The following PKD1L1 variants were observed in gnomAD, a reference collection of about 807,000 sequenced individuals.
The protein encoded by PKD1L1 is polycystin-1-like protein 1.
Under a neutral mutation model 323.4 loss-of-function variants are expected in PKD1L1, and 236 were observed. The observed-to-expected ratio is 0.73, with a 90% CI of 0.66 to 0.81. The LOEUF (loss-of-function observed/expected upper bound fraction) is 0.81, where lower values mean the gene tolerates loss of function less well. Among genes scored for constraint, PKD1L1 ranks in the 40% least tolerant of loss-of-function variants. The pLI is 0.00. For missense variants in PKD1L1, 3,320 were observed against 3,508.0 expected (o/e 0.95, Z 1.35); for synonymous variants, 1,344 against 1,335.0 (o/e 1.01, Z -0.15).
rs911818050 is a variant in PKD1L1, at chr7:47,840,409, A to G, written c.5552+52T>C. ...TTGTATTTGTGATAAGGTTACACCA[A>G]TTCTGATTGGCCTCTCTTTCCCAAA... On this transcript the variant is annotated intron_variant, in intron 35 of 56. Coordinates refer to ENST00000289672, the MANE Select transcript of PKD1L1 (RefSeq NM_138295.5). This position sits in a 1 kb window ranked among gnomAD's most constrained non-coding sequence, Gnocchi z 4.1. The G allele has an allele frequency of 2.2e-6, 3 of 1,356,892 alleles. No individual in the cohort carries two copies. Among genetic ancestry groups the G allele is most frequent in the African/African-American group, 2.9e-5 (2 of 69,728 alleles). 84.1% of individuals were successfully genotyped at this position (1,356,892 alleles called of 1,614,324 possible).
At position 47,813,256 on chromosome 7, in the gene PKD1L1, A is replaced by G; in HGVS notation, c.7211T>C (p.Ile2404Thr). ...RPFSALIEDS[I>T]PTCSPEVGGP... ...TCCAACTTCGGGACTACATGTAGGA[A>G]TAGAGTCTTCGATGAGTGCTGAAAA... Residue 2404 changes from isoleucine to threonine, a missense_variant, in exon 49 of 57, where the codon ATT becomes ACT. Transcript: ENST00000289672. The G allele has an allele frequency of 1.1e-5, 18 of 1,614,198 alleles. No individual in the cohort carries two copies. Among genetic ancestry groups the G allele is most frequent in the Non-Finnish European group, 1.5e-5 (18 of 1,180,030 alleles).
At chr7:47,792,943 A>G in intron 55 of PKD1L1, 146 bp from the exon 56 acceptor site, 1 of 716,788 alleles carries the variant, frequency 1.4e-6, no homozygotes, top group Non-Finnish European at 2.2e-6. Flanking sequence ...CAGTTAGAAG[A>G]CCTGGGTGCT....
At chr7:47,951,560 G>A (rs1788205681), upstream of PKD1L1, among the ~76,000 whole-genome samples, 1 of 152,176 alleles carries the variant, frequency 6.6e-6, no homozygotes, top group Admixed American at 6.5e-5. Flanking sequence ...AGTAGTCAAA[G>A]TAGAAAAGCA....
chr7:47,924,325 C>T (rs1787615858), intron 7 of PKD1L1, among the ~76,000 whole-genome samples: 1 of 152,154 alleles, frequency 6.6e-6, no homozygotes, highest in Non-Finnish European at 1.5e-5. Context: ...CTTTGTGCAG[C>T]TGAGTTAGTT....
In PKD1L1 at chr7:47,939,203, A is replaced by T. The variant is rs372478128; in HGVS notation, c.285+990T>A. On this transcript the variant is annotated intron_variant, in intron 3 of 56. Coordinates refer to ENST00000289672, the MANE Select transcript of PKD1L1 (RefSeq NM_138295.5). The stretch of plus-strand genomic sequence containing the variant: ...TCGCTGACAAAAGTGATGGCAGAGC[A>T]GAGAAAAGCTCCCAAACACAAACAC... Among the ~76,000 whole-genome samples the T allele has an allele frequency of 1.3e-3, 200 of 152,338 alleles. 1 individual carries two copies. Among genetic ancestry groups the T allele is most frequent in the African/African-American group, 4.7e-3 (196 of 41,582 alleles).
Position 47,843,072 on chromosome 7 carries a change from T to C in PKD1L1, c.5335A>G (p.Lys1779Glu), listed in dbSNP as rs1358523369. Residue 1779 changes from lysine (K) to glutamate (E), a missense_variant, in exon 34 of 57, where the codon AAA becomes GAA. Physicochemically the swap from Lys to Glu is moderately conservative, Grantham distance 56. Transcript: ENST00000289672. ...AKSRQVDHHE[K>E]KKAGYIFLQE... ...AGAAAGATGTAACCAGCTTTCTTTTTTTCATGATGATCTACTTGTCTACTT... is the reference window on the plus strand; with the variant it reads ...AGAAAGATGTAACCAGCTTTCTTTTCTTCATGATGATCTACTTGTCTACTT... 2.5e-6 allele frequency: 4 copies of C among 1,614,030 alleles called. No individual in the cohort carries two copies. The highest frequency in any genetic ancestry group is 1.3e-5 in the African/African-American group (1 of 75,048).
At chr7:47,844,775 C>T (rs891985823) in intron 33 of PKD1L1, among the ~76,000 whole-genome samples, 16 of 152,192 alleles carry the variant, frequency 1.1e-4, no homozygotes, top group African/African-American at 3.6e-4. Context: ...GTTTACAAAT[C>T]TCTCATCAGT....
chr7:47,952,521 CCT>C (rs759697853), upstream of PKD1L1, among the ~76,000 whole-genome samples: 15 of 152,304 alleles, frequency 9.8e-5, no homozygotes, highest in Middle Eastern at 3.4e-3. Flanking sequence ...ATAAGCACCC[CCT>C]GAGAAAGAAA....
At chr7:47,877,375 C>A (rs1786430247) in intron 22 of PKD1L1, 114 bp downstream of exon 22, 2 of 1,427,022 alleles carry the variant, frequency 1.4e-6, no homozygotes, top group South Asian at 2.7e-5. Context: ...AGGCTGAAAT[C>A]CTTCACAGGT....
In PKD1L1 at chr7:47,918,474, A is replaced by AC. The variant is rs973440065; in HGVS notation, c.1061-2876_1061-2875insG. 4.6e-4 allele frequency among the ~76,000 whole-genome samples: 68 copies of AC among 149,110 alleles called. No individual in the cohort carries two copies. The Middle Eastern group carries it at 0.014, about 30-fold the overall frequency. ...TCATCAAGACAGAAAGTCAACAACA[A>AC]AAAAAAAAACAATGGATTTAAACTA... On this transcript the variant is annotated intron_variant, in intron 7 of 56. Coordinates refer to ENST00000289672, the MANE Select transcript of PKD1L1 (RefSeq NM_138295.5).
At chr7:47,941,604 G>A (rs530865954) in intron 2 of PKD1L1, among the ~76,000 whole-genome samples, 106 of 152,362 alleles carry the variant, frequency 7.0e-4, no homozygotes, top group African/African-American at 2.5e-3. Context: ...TATGTGACGT[G>A]CTACAAATGC....
In PKD1L1 at chr7:47,943,531, C is replaced by G; in HGVS notation, c.45-20G>C. 4 of 1,585,210 alleles carry G rather than the reference C, an allele frequency of 2.5e-6. No homozygotes were observed. The highest frequency in any genetic ancestry group is 3.5e-6 in the Non-Finnish European group (4 of 1,154,972). On this transcript the variant is annotated intron_variant, in intron 1 of 56. Coordinates refer to ENST00000289672, the MANE Select transcript of PKD1L1 (RefSeq NM_138295.5). ...AGACACCTAAGGGAAAGAAAATAAC[C>G]AGAGGAAAATTAAATTAAGTACAAT...
chr7:47,841,256 G>T (rs1413572442), intron 34 of PKD1L1, among the ~76,000 whole-genome samples: 2 of 152,162 alleles, frequency 1.3e-5, no homozygotes, highest in Non-Finnish European at 2.9e-5. Context: ...GGCAGCTATT[G>T]TTCCAAAATA....
intron 26 of PKD1L1, among the ~76,000 whole-genome samples, chr7:47,859,402 C>A (rs1785976283): frequency 6.6e-6 from 1 of 152,128 alleles, no homozygotes; most frequent in Non-Finnish European, 1.5e-5. Flanking sequence ...ACCTGCAGTA[C>A]CTTTACCCTC....
chr7:47,937,842 A>T (rs1787901572), intron 3 of PKD1L1, among the ~76,000 whole-genome samples: 1 of 152,020 alleles, frequency 6.6e-6, no homozygotes, highest in African/African-American at 2.4e-5. Context: ...GGGTGCTGGG[A>T]GCCCATCTTG....
intron 1 of PKD1L1, 22 bp downstream of exon 1, chr7:47,948,375 T>A: frequency 6.2e-7 from 1 of 1,613,822 alleles, no homozygotes; most frequent in Non-Finnish European, 8.5e-7. Context: ...TACCAAACCC[T>A]CTGAGAACAG....
chr7:47,895,548 A>G (rs1455411182), intron 14 of PKD1L1, among the ~76,000 whole-genome samples: 1 of 152,192 alleles, frequency 6.6e-6, no homozygotes, highest in Non-Finnish European at 1.5e-5. Flanking sequence ...GCATTATCAC[A>G]TATTCACAGG....
At chr7:47,833,047 C>T in intron 41 of PKD1L1, 43 bp downstream of exon 41, 1 of 1,578,602 alleles carries the variant, frequency 6.3e-7, no homozygotes, top group Non-Finnish European at 8.6e-7. Flanking sequence ...TGCAGGTCTG[C>T]TGGACTGGCA....
intron 26 of PKD1L1, among the ~76,000 whole-genome samples, chr7:47,864,571 CTTTCT>C (rs1488130801): frequency 2.0e-5 from 3 of 150,370 alleles, no homozygotes; most frequent in South Asian, 2.1e-4. Flanking sequence ...TTTTCTTTTT[CTTTCT>C]TTTCTTTCTT....
Sources: allele counts gnomAD v4.1 joint callset (sites outside exome capture counted in the v4.1 genomes callset), GRCh38; gene constraint gnomAD v4.1.1; non-coding constraint Gnocchi (gnomAD v3.1); transcripts MANE v1.5; gene names NCBI Gene and HGNC (gene_info 2026-07-23, HGNC 2026-07-21).